Variants in SCIN observed in about 807,000 individuals in gnomAD.
The protein encoded by SCIN is scinderin.
SCIN carries 91 observed loss-of-function variants against 91.8 expected under a neutral mutation model. The ratio of observed to expected loss-of-function variants is 0.99; its 90% CI spans 0.84 to 1.18. The LOEUF (loss-of-function observed/expected upper bound fraction) is 1.18, where lower values mean the gene tolerates loss of function less well. Ranked by LOEUF, SCIN falls within the 50% of genes most tolerant of loss-of-function variation. The pLI is 0.00. For synonymous variants in SCIN, 367 were observed against 312.6 expected (o/e 1.17, Z -1.84); for missense variants, 1,087 against 863.9 (o/e 1.26, Z -3.24).
chr7:12,581,644 TA>T (rs1490415317), intron 3 of SCIN, among the ~76,000 whole-genome samples: 1 of 152,202 alleles, frequency 6.6e-6, no homozygotes, highest in Non-Finnish European at 1.5e-5. Context: ...TTTAAAGACA[TA>T]TTTTGATGTA....
intron 3 of SCIN, among the ~76,000 whole-genome samples, chr7:12,599,647 A>T (rs920840596): frequency 2.0e-4 from 31 of 151,982 alleles, no homozygotes; most frequent in African/African-American, 7.0e-4. Context: ...AACAGTATAA[A>T]AGTGTTCCCT....
chr7:12,601,143 G>T (rs1389635091), intron 3 of SCIN, among the ~76,000 whole-genome samples: 1 of 152,120 alleles, frequency 6.6e-6, no homozygotes, highest in Non-Finnish European at 1.5e-5. Flanking sequence ...ATAAAGTTTT[G>T]CATTCCTAAA....
rs1302316474 is a variant in SCIN, at chr7:12,656,806, C to T, written c.*4091C>T. 1 of 152,062 alleles carries T rather than the reference C, an allele frequency of 6.6e-6. No homozygotes were observed. The highest frequency in any genetic ancestry group is 1.5e-5 in the Non-Finnish European group (1 of 68,090). The allele number at this position is 152,062 out of a possible 1,614,324, so 9.4% of individuals were successfully genotyped here. On this transcript the variant is annotated 3_prime_UTR_variant, in exon 16 of 16. Coordinates refer to ENST00000297029, the MANE Select transcript of SCIN (RefSeq NM_001112706.3). ...GGCGTAGTGGCGGGCGCCTGTAATC[C>T]TAGCTACTCGGGAGGCTGAGGCAGG...
At chr7:12,623,704 A>C (rs1273576444) in intron 5 of SCIN, among the ~76,000 whole-genome samples, 9 of 152,204 alleles carry the variant, frequency 5.9e-5, no homozygotes. Context: ...TGTAACAGAA[A>C]GAAACTATAT....
Position 12,655,640 on chromosome 7 carries a change from C to T in SCIN, c.*2925C>T, listed in dbSNP as rs1784152315. The T allele has an allele frequency of 6.6e-6, 1 of 152,218 alleles. No homozygotes were observed. Among genetic ancestry groups the T allele is most frequent in the African/African-American group, 2.4e-5 (1 of 41,454 alleles). 9.4% of individuals were successfully genotyped at this position (152,218 alleles called of 1,614,324 possible). On this transcript the variant is annotated 3_prime_UTR_variant, in exon 16 of 16. Transcript: ENST00000297029. ...ATGTAGGGTTACAGGTTCACCCATA[C>T]ACTGTTAATAGATGTATAAACTGGT... is the stretch of plus-strand genomic sequence containing the variant.
chr7:12,622,710 A>G, intron 4 of SCIN, 91 bp from the exon 5 acceptor site: 1 of 868,852 alleles, frequency 1.2e-6, no homozygotes, highest in Non-Finnish European at 1.9e-6. Context: ...CAAATATTTT[A>G]TAATCCATGT....
chr7:12,592,590 G>A (rs1273517440), intron 3 of SCIN, among the ~76,000 whole-genome samples: 1 of 152,012 alleles, frequency 6.6e-6, no homozygotes, highest in Non-Finnish European at 1.5e-5. Context: ...GCGGAGAGGA[G>A]CAGGAGGGGA....
intron 4 of SCIN, among the ~76,000 whole-genome samples, chr7:12,614,179 C>T (rs1490516243): frequency 1.3e-5 from 2 of 152,194 alleles, no homozygotes; most frequent in African/African-American, 4.8e-5. Flanking sequence ...CACGACTTCT[C>T]TCATCTTGTG....
intron 1 of SCIN, chr7:12,571,308 A>AG: frequency 2.4e-6 from 1 of 415,680 alleles, no homozygotes; most frequent in Non-Finnish European, 4.4e-6. Flanking sequence ...ACTCTTGTCC[A>AG]GGGCCGCTGC....
intron 4 of SCIN, among the ~76,000 whole-genome samples, chr7:12,611,831 G>A (rs891774820): frequency 1.3e-5 from 2 of 152,010 alleles, no homozygotes; most frequent in African/African-American, 4.8e-5. Flanking sequence ...AGGATTGCTT[G>A]AGTCCAGGTG....
intron 3 of SCIN, among the ~76,000 whole-genome samples, chr7:12,593,842 G>A (rs1000608580): frequency 6.6e-6 from 1 of 151,476 alleles, no homozygotes; most frequent in African/African-American, 2.4e-5. Context: ...GAAGGTCATC[G>A]GCATATGCCT....
At chr7:12,582,513 C>T (rs1782508076) in intron 3 of SCIN, among the ~76,000 whole-genome samples, 1 of 152,162 alleles carries the variant, frequency 6.6e-6, no homozygotes, top group Non-Finnish European at 1.5e-5. Flanking sequence ...ATCATACCAG[C>T]TTGTGTGCAA....
chr7:12,582,664 A>G (rs1261280901), intron 3 of SCIN, among the ~76,000 whole-genome samples: 1 of 152,150 alleles, frequency 6.6e-6, no homozygotes, highest in Non-Finnish European at 1.5e-5. Flanking sequence ...TCAATAGCTA[A>G]TTCATTCTCC....
chr7:12,648,005 A>G (rs916954223), intron 13 of SCIN, among the ~76,000 whole-genome samples: 1 of 152,148 alleles, frequency 6.6e-6, no homozygotes, highest in African/African-American at 2.4e-5. Flanking sequence ...GTGAATAAAG[A>G]ATGGGGAACC....
intron 4 of SCIN, among the ~76,000 whole-genome samples, 156 bp downstream of exon 4, chr7:12,604,819 A>G (rs1189946450): frequency 1.3e-5 from 2 of 152,074 alleles, no homozygotes; most frequent in African/African-American, 2.4e-5. Flanking sequence ...TAGTAAGAGG[A>G]AACAACAGGG....
intron 1 of SCIN, among the ~76,000 whole-genome samples, chr7:12,576,371 GT>G (rs1782372656): frequency 6.8e-6 from 1 of 147,398 alleles, no homozygotes; most frequent in African/African-American, 2.5e-5. Context: ...TTTTTTTGTT[GT>G]TGTTGTTGTT....
chr7:12,630,285 A>C (rs780482528), intron 9 of SCIN, among the ~76,000 whole-genome samples: 1 of 152,168 alleles, frequency 6.6e-6, no homozygotes, highest in Non-Finnish European at 1.5e-5. Flanking sequence ...CTTCTTAGAT[A>C]TGTAGACTCT....
intron 4 of SCIN, among the ~76,000 whole-genome samples, chr7:12,608,667 C>T (rs192213991): frequency 2.9e-4 from 44 of 152,060 alleles, no homozygotes; most frequent in Non-Finnish European, 5.7e-4. Flanking sequence ...TTAGTAGAGA[C>T]GGGGTTTCAC....
chr7:12,635,674 A>C (rs1583315294), intron 9 of SCIN, among the ~76,000 whole-genome samples: 1 of 149,766 alleles, frequency 6.7e-6, no homozygotes, highest in African/African-American at 2.4e-5. Context: ...CTAACATTCA[A>C]CCTAATAAGT....
Sources: gnomAD v4.1 joint callset for allele counts (sites outside exome capture counted in the v4.1 genomes callset) on GRCh38, gnomAD v4.1.1 for gene constraint, MANE v1.5 for transcripts, NCBI Gene and HGNC (gene_info 2026-07-23, HGNC 2026-07-21) for gene names.